Variants in SCAPER observed in about 807,000 individuals in gnomAD.
SCAPER encodes S-phase cyclin A associated protein in the ER, also known as S phase cyclin A-associated protein in the endoplasmic reticulum.
A neutral mutation model predicts 182.2 loss-of-function variants in SCAPER; 98 were observed. The ratio of observed to expected loss-of-function variants is 0.54; its 90% CI spans 0.46 to 0.64. The LOEUF is 0.64. Among genes scored for constraint, SCAPER ranks in the 30% least tolerant of loss-of-function variants. The probability of loss-of-function intolerance (pLI) is 0.00; values close to 1 mark genes in which losing one functional copy is unlikely to be tolerated. For synonymous variants in SCAPER, 605 were observed against 564.6 expected (o/e 1.07, Z -1.01); for missense variants, 1,432 against 1,690.0 (o/e 0.85, Z 2.68).
chr15:76,862,927 C>T (rs8025991), intron 2 of SCAPER, among the ~76,000 whole-genome samples: 51,736 of 151,844 alleles, frequency 0.34, 9,082 homozygotes, highest in East Asian at 0.55. Flanking sequence ...TTTTGGAAAA[C>T]GCTTTTTTTA....
At chr15:76,425,177 G>C (rs2046335731) in intron 26 of SCAPER, among the ~76,000 whole-genome samples, 1 of 152,086 alleles carries the variant, frequency 6.6e-6, no homozygotes, top group South Asian at 2.1e-4. Context: ...TGCTAGGTTG[G>C]GGAATTTCTC....
At chr15:76,787,086 A>C (rs1408548326) in intron 8 of SCAPER, among the ~76,000 whole-genome samples, 1 of 152,226 alleles carries the variant, frequency 6.6e-6, no homozygotes, top group Non-Finnish European at 1.5e-5. Flanking sequence ...TTGATCCATC[A>C]TTGTAATTGT....
At chr15:76,700,387 G>A (rs758340568) in intron 20 of SCAPER, among the ~76,000 whole-genome samples, 1 of 152,166 alleles carries the variant, frequency 6.6e-6, no homozygotes, top group Non-Finnish European at 1.5e-5. Context: ...GTCCGTGGGG[G>A]TCATGGGGTC....
At chr15:76,699,826 G>A (rs899616742) in intron 20 of SCAPER, among the ~76,000 whole-genome samples, 4 of 152,214 alleles carry the variant, frequency 2.6e-5, no homozygotes, top group Admixed American at 2.0e-4. Flanking sequence ...CCACATGCAC[G>A]CAGTTGCAGC....
At chr15:76,590,627 GAA>G (rs1247106935) in intron 22 of SCAPER, among the ~76,000 whole-genome samples, 4 of 152,290 alleles carry the variant, frequency 2.6e-5, no homozygotes, top group Middle Eastern at 3.4e-3. Flanking sequence ...AAAACAGAAT[GAA>G]TATTTCTCAA....
chr15:76,803,883 C>T (rs2065955918), intron 6 of SCAPER, among the ~76,000 whole-genome samples: 1 of 152,084 alleles, frequency 6.6e-6, no homozygotes, highest in East Asian at 1.9e-4. Flanking sequence ...GGGACTGCAT[C>T]TGTCCTCTTG....
chr15:76,673,952 TACACACACACACAC>T (rs71447120), intron 20 of SCAPER, among the ~76,000 whole-genome samples: 16 of 146,436 alleles, frequency 1.1e-4, no homozygotes, highest in Admixed American at 4.7e-4. Flanking sequence ...AATTTATCTA[TACACACACACACAC>T]ACACACACAC....
chr15:76,765,257 C>A (rs115966504), intron 13 of SCAPER, 80 bp downstream of exon 13: 1 of 1,184,854 alleles, frequency 8.4e-7, no homozygotes, highest in African/African-American at 1.5e-5. Flanking sequence ...AAAAATGCCA[C>A]GTAGCAATTT....
At chr15:76,520,608 C>T (rs1311356453) in intron 23 of SCAPER, among the ~76,000 whole-genome samples, 3 of 152,094 alleles carry the variant, frequency 2.0e-5, no homozygotes, top group Admixed American at 2.0e-4. Flanking sequence ...CCCCCCACCC[C>T]CTCAACAGAC....
intron 15 of SCAPER, among the ~76,000 whole-genome samples, chr15:76,740,355 G>A (rs994619440): frequency 2.0e-4 from 30 of 152,076 alleles, no homozygotes; most frequent in South Asian, 4.1e-4. Flanking sequence ...TAAAATACAG[G>A]AAATGTTTAA....
chr15:76,839,885 G>GTA (rs2069296707), intron 5 of SCAPER, among the ~76,000 whole-genome samples: 1 of 152,042 alleles, frequency 6.6e-6, no homozygotes, highest in African/African-American at 2.4e-5. Context: ...TACTCAAAAA[G>GTA]TATATATATT....
chr15:76,668,437 C>T (rs1021561379), intron 20 of SCAPER, among the ~76,000 whole-genome samples: 1 of 152,196 alleles, frequency 6.6e-6, no homozygotes, highest in South Asian at 2.1e-4. Flanking sequence ...TCATTGATCT[C>T]TCTGATCTCA....
At chr15:76,568,190 C>CATATATATATATATATATAT (rs60959582) in intron 23 of SCAPER, among the ~76,000 whole-genome samples, 18 of 138,714 alleles carry the variant, frequency 1.3e-4, no homozygotes, top group African/African-American at 5.4e-4. Flanking sequence ...ATGGATCAAG[C>CATATATATATATATATATAT]ATATATATAT....
Position 76,454,017 on chromosome 15 carries a change from T to C in SCAPER, c.3078+17195A>G, listed in dbSNP as rs141300028. Among the ~76,000 whole-genome samples, 1,254 of 152,306 alleles carry C rather than the reference T, an allele frequency of 8.2e-3. 17 individuals carry two copies. The highest frequency in any genetic ancestry group is 0.029 in the African/African-American group (1,200 of 41,554). On this transcript the variant is annotated intron_variant, in intron 25 of 31. Coordinates refer to ENST00000563290, the MANE Select transcript of SCAPER (RefSeq NM_020843.4). ...AACCTGAGAGACAAGCAAGCATCTG[T>C]AGGGAAAGAGCTAAGGCTATGTCCT...
intron 15 of SCAPER, among the ~76,000 whole-genome samples, chr15:76,742,187 T>C (rs1443357018): frequency 6.6e-6 from 1 of 151,760 alleles, no homozygotes; most frequent in African/African-American, 2.4e-5. Context: ...AAGGCAAATA[T>C]AGTTGCAGAA....
chr15:76,475,859 C>G (rs1176650574), intron 24 of SCAPER, among the ~76,000 whole-genome samples: 1 of 152,152 alleles, frequency 6.6e-6, no homozygotes, highest in Non-Finnish European at 1.5e-5. Flanking sequence ...AATTTGCTAA[C>G]TTTTTGAATA....
intron 4 of SCAPER, among the ~76,000 whole-genome samples, chr15:76,844,794 G>C (rs1278921554): frequency 6.6e-6 from 1 of 151,972 alleles, no homozygotes; most frequent in East Asian, 1.9e-4. Flanking sequence ...ATTTAAAAAA[G>C]AACTAGTACC....
At chr15:76,556,279 G>C (rs1010728965) in intron 23 of SCAPER, among the ~76,000 whole-genome samples, 13 of 152,076 alleles carry the variant, frequency 8.5e-5, no homozygotes, top group Admixed American at 8.5e-4. Flanking sequence ...CAGTGTAAGA[G>C]GGAAGTTTAT....
At chr15:76,527,014 G>C (rs1597206599) in intron 23 of SCAPER, among the ~76,000 whole-genome samples, 1 of 152,010 alleles carries the variant, frequency 6.6e-6, no homozygotes, top group East Asian at 1.9e-4. Context: ...TCGGATTACA[G>C]ATGCCCAACA....
Sources: allele counts gnomAD v4.1 joint callset (sites outside exome capture counted in the v4.1 genomes callset), GRCh38; gene constraint gnomAD v4.1.1; transcripts MANE v1.5; gene names NCBI Gene and HGNC (gene_info 2026-07-23, HGNC 2026-07-21).